DGKB: variants seen among roughly 807,000 people sequenced by gnomAD.
DGKB encodes the protein 90 kDa diacylglycerol kinase.
In DGKB, 67 loss-of-function variants were observed where a neutral mutation model predicts 114.3. That is an observed-to-expected ratio of 0.59 (90% CI 0.48 to 0.72). The LOEUF is 0.72. Among genes scored for constraint, DGKB ranks in the 30% least tolerant of loss-of-function variants. The probability of loss-of-function intolerance (pLI) is 0.00; values close to 1 mark genes in which losing one functional copy is unlikely to be tolerated. For synonymous variants in DGKB, 398 were observed against 323.1 expected (o/e 1.23, Z -2.49); for missense variants, 907 against 975.2 (o/e 0.93, Z 0.93).
intron 23 of DGKB, among the ~76,000 whole-genome samples, chr7:14,208,345 A>G (rs139011299): frequency 0.016 from 2,371 of 152,166 alleles, 64 homozygotes; most frequent in African/African-American, 0.054. Context: ...GTGGAAGTGC[A>G]GTATTAGAAG....
intron 5 of DGKB, among the ~76,000 whole-genome samples, chr7:14,719,251 G>A (rs1472790689): frequency 6.6e-6 from 1 of 152,114 alleles, no homozygotes; most frequent in Non-Finnish European, 1.5e-5. Flanking sequence ...GCAAAACTCT[G>A]GATAAACATG....
intron 1 of DGKB, among the ~76,000 whole-genome samples, chr7:14,901,081 A>T (rs574925872): frequency 6.6e-6 from 1 of 152,188 alleles, no homozygotes; most frequent in Non-Finnish European, 1.5e-5. Context: ...GGTCACATGT[A>T]GACTTTATGC....
intron 13 of DGKB, among the ~76,000 whole-genome samples, chr7:14,646,392 C>G (rs1192728570): frequency 6.6e-6 from 1 of 152,044 alleles, no homozygotes; most frequent in Admixed American, 6.5e-5. Flanking sequence ...ACAATAATAG[C>G]TAGGAACTTC....
intron 6 of DGKB, among the ~76,000 whole-genome samples, chr7:14,707,075 C>T (rs1008917343): frequency 1.3e-5 from 2 of 148,398 alleles, no homozygotes; most frequent in African/African-American, 5.0e-5. Context: ...GCTAGCAAGA[C>T]TAATAAAGAA....
At chr7:14,856,610 T>A (rs1307198143) in intron 1 of DGKB, among the ~76,000 whole-genome samples, 3 of 152,146 alleles carry the variant, frequency 2.0e-5, no homozygotes, top group African/African-American at 7.2e-5. Flanking sequence ...TTAGTGCACG[T>A]GGCTCTGTCT....
chr7:14,662,888 G>A (rs1156795292), intron 13 of DGKB, among the ~76,000 whole-genome samples: 2 of 151,566 alleles, frequency 1.3e-5, no homozygotes, highest in Non-Finnish European at 2.9e-5. Context: ...AATTTTGTAT[G>A]ATTACATAGT....
At chr7:14,786,786 G>A (rs1454248796) in intron 2 of DGKB, among the ~76,000 whole-genome samples, 1 of 152,248 alleles carries the variant, frequency 6.6e-6, no homozygotes, top group Non-Finnish European at 1.5e-5. Flanking sequence ...GGGTGCCAAT[G>A]AGCACGGCAG....
intron 23 of DGKB, among the ~76,000 whole-genome samples, chr7:14,261,437 C>CTT (rs1796764407): frequency 6.6e-6 from 1 of 152,070 alleles, no homozygotes; most frequent in Admixed American, 6.6e-5. Context: ...CGTCTGTAAA[C>CTT]TTTAGATATC....
At chr7:14,822,710 TA>T (rs1845113668) in intron 2 of DGKB, among the ~76,000 whole-genome samples, 1 of 152,102 alleles carries the variant, frequency 6.6e-6, no homozygotes, top group South Asian at 2.1e-4. Flanking sequence ...GTCTACAGAA[TA>T]GAGGAAATCC....
intron 21 of DGKB, among the ~76,000 whole-genome samples, chr7:14,401,131 C>T (rs1486553897): frequency 4.0e-5 from 6 of 151,846 alleles, no homozygotes; most frequent in Non-Finnish European, 8.8e-5. Context: ...TAACTTTTGG[C>T]TCAAGGTTTC....
chr7:14,595,575 A>G (rs1277836360), intron 17 of DGKB, among the ~76,000 whole-genome samples: 3 of 151,046 alleles, frequency 2.0e-5, no homozygotes, highest in Non-Finnish European at 4.4e-5. Context: ...ATGTGTACAA[A>G]CTTTTATAAA....
At chr7:14,551,368 C>T (rs1476904954) in intron 20 of DGKB, among the ~76,000 whole-genome samples, 1 of 152,218 alleles carries the variant, frequency 6.6e-6, no homozygotes, top group Non-Finnish European at 1.5e-5. Flanking sequence ...ACTTTTTACA[C>T]AGCATGTGAT....
At chr7:14,385,051 G>C (rs140736722) in intron 21 of DGKB, among the ~76,000 whole-genome samples, 4 of 152,210 alleles carry the variant, frequency 2.6e-5, no homozygotes, top group Admixed American at 1.3e-4. Context: ...TTCTTTCTTG[G>C]TGGTGGAGGT....
chr7:14,616,810 A>C (rs748227593), intron 15 of DGKB, among the ~76,000 whole-genome samples: 7 of 151,736 alleles, frequency 4.6e-5, no homozygotes, highest in Admixed American at 1.3e-4. Flanking sequence ...CTTGAGATAC[A>C]GTAATACGGT....
At chr7:14,682,338 T>G (rs149111448) in intron 12 of DGKB, among the ~76,000 whole-genome samples, 1 of 152,058 alleles carries the variant, frequency 6.6e-6, no homozygotes, top group Non-Finnish European at 1.5e-5. Flanking sequence ...GTATCATCTC[T>G]TAGATTGTCA....
At chr7:14,371,969 A>C (rs1436881008) in intron 21 of DGKB, among the ~76,000 whole-genome samples, 3 of 152,144 alleles carry the variant, frequency 2.0e-5, no homozygotes, top group Non-Finnish European at 2.9e-5. Flanking sequence ...TCTCCAAAGA[A>C]TGACTGACTT....
At chr7:14,280,329 G>A (rs1176773986) in intron 23 of DGKB, among the ~76,000 whole-genome samples, 3 of 152,048 alleles carry the variant, frequency 2.0e-5, no homozygotes, top group Middle Eastern at 3.4e-3. Context: ...AAAAAGAAAC[G>A]AGCAAAGCCT....
intron 23 of DGKB, among the ~76,000 whole-genome samples, chr7:14,188,244 CATA>C (rs1401467759): frequency 6.6e-6 from 1 of 152,080 alleles, no homozygotes. Context: ...TAAATTTTCT[CATA>C]ATAGGAGTGT....
At chr7:14,255,778 T>C (rs1353835465) in intron 23 of DGKB, among the ~76,000 whole-genome samples, 1 of 152,124 alleles carries the variant, frequency 6.6e-6, no homozygotes, top group Non-Finnish European at 1.5e-5. Context: ...AGCTAAGCTT[T>C]TAGTATGGTT....
Sources: allele counts gnomAD v4.1 joint callset (sites outside exome capture counted in the v4.1 genomes callset), GRCh38; gene constraint gnomAD v4.1.1; transcripts MANE v1.5; gene names NCBI Gene and HGNC (gene_info 2026-07-23, HGNC 2026-07-21).